Variants in ATAD2 observed in about 807,000 individuals in gnomAD.
ATAD2 encodes ATPase family AAA domain containing 2.
In ATAD2, 62 loss-of-function variants were observed where a neutral mutation model predicts 168.9. The observed-to-expected ratio is 0.37, with a 90% CI of 0.30 to 0.45. The LOEUF (loss-of-function observed/expected upper bound fraction) is 0.45, where lower values mean the gene tolerates loss of function less well. ATAD2 is among the 20% of genes least tolerant of loss of function. The pLI is 1.00. For missense variants in ATAD2, 1,419 were observed against 1,667.8 expected (o/e 0.85, Z 2.60); for synonymous variants, 613 against 571.6 (o/e 1.07, Z -1.03).
chr8:123,404,546 C>T (rs958526497), intron 1 of ATAD2, among the ~76,000 whole-genome samples: 38 of 151,488 alleles, frequency 2.5e-4, no homozygotes, highest in African/African-American at 9.0e-4. Context: ...GTACTCAAGT[C>T]TCTCCCCACT....
At chr8:123,360,748 C>G (rs1021037581) in intron 9 of ATAD2, among the ~76,000 whole-genome samples, 1 of 151,920 alleles carries the variant, frequency 6.6e-6, no homozygotes, top group Non-Finnish European at 1.5e-5. Flanking sequence ...AGCACCTAAG[C>G]ACTGCATTTT....
At chr8:123,330,788 G>C (rs1210236224) in intron 24 of ATAD2, among the ~76,000 whole-genome samples, 1 of 152,276 alleles carries the variant, frequency 6.6e-6, no homozygotes, top group East Asian at 1.9e-4. Context: ...AGAGTCTACA[G>C]GTATGCCTTT....
At chr8:123,381,498 CACAAAACAAA>C (rs374417395) in intron 1 of ATAD2, among the ~76,000 whole-genome samples, 49 of 151,286 alleles carry the variant, frequency 3.2e-4, no homozygotes, top group East Asian at 1.4e-3. Flanking sequence ...GAGACCCTGC[CACAAAACAAA>C]ACAAAACAAA....
chr8:123,396,062 C>G (rs1413254561), intron 1 of ATAD2, 125 bp downstream of exon 1: 1 of 1,131,144 alleles, frequency 8.8e-7, no homozygotes, highest in Admixed American at 3.1e-5. Context: ...CGTCCTCGAC[C>G]ACACTTCTCC....
chr8:123,377,655 G>A (rs1191441584), intron 2 of ATAD2, among the ~76,000 whole-genome samples: 1 of 152,072 alleles, frequency 6.6e-6, no homozygotes, highest in South Asian at 2.1e-4. Flanking sequence ...AGTTTCTCTC[G>A]AGTTTGGCAT....
intron 1 of ATAD2, among the ~76,000 whole-genome samples, chr8:123,387,000 CA>C (rs1829664366): frequency 6.6e-6 from 1 of 151,070 alleles, no homozygotes; most frequent in African/African-American, 2.4e-5. Flanking sequence ...ACAGTTCTAA[CA>C]AAAGCAATAT....
At position 123,345,035 on chromosome 8, in the gene ATAD2, A is replaced by G; in HGVS notation, c.2567T>C (p.Ile856Thr). The G allele has an allele frequency of 1.9e-6, 3 of 1,613,524 alleles. No homozygotes were observed. The highest frequency in any genetic ancestry group is 2.5e-6 in the Non-Finnish European group (3 of 1,179,474). ...CACGTGGATATGAGGAACATACACT[A>G]TACTTGGTGCTGTTCTCTTAGCTTC... ...IREAKRTAPS[I>T]VYVPHIHVWW... Residue 856 changes from isoleucine (I) to threonine (T), a missense_variant, in exon 19 of 28, where the codon ATA becomes ACA. Around this residue, in one of 5 missense-constraint regions of ATAD2, gnomAD observed 545 missense variants for 724.9 expected, o/e 0.75. Transcript: ENST00000287394.
chr8:123,371,053 G>A (rs1829136255), intron 5 of ATAD2, 63 bp from the exon 6 acceptor site: 3 of 1,308,334 alleles, frequency 2.3e-6, no homozygotes, highest in Admixed American at 2.6e-5. Context: ...AATTAAGTTG[G>A]ATCCTCCAAT....
In ATAD2 at chr8:123,404,565, C is replaced by CT. The variant is rs573902645; in HGVS notation, c.-2281-3391dup. Among the ~76,000 whole-genome samples the CT allele has an allele frequency of 7.3e-3, 1,039 of 142,818 alleles. 5 individuals carry two copies. Among genetic ancestry groups the CT allele is most frequent in the African/African-American group, 9.6e-3 (373 of 38,696 alleles). 93.7% of individuals were successfully genotyped at this position (142,818 alleles called of 152,430 possible). A position where few individuals can be genotyped will look rare whatever the true frequency, so the allele number is the denominator to read the frequency against. On this transcript the variant is annotated intron_variant, in intron 1 of 28. Coordinates refer to the ATAD2 transcript ENST00000521903. ...TCAAGTCTCTCCCCACTTTCTCTCTCTTTTTTTTTTTTTTCTTTTGAGATG... is the reference window on the plus strand; with the variant it reads ...TCAAGTCTCTCCCCACTTTCTCTCTCTTTTTTTTTTTTTTTCTTTTGAGATG...
intron 1 of ATAD2, among the ~76,000 whole-genome samples, chr8:123,384,438 A>AT (rs1829588313): frequency 6.6e-6 from 1 of 152,118 alleles, no homozygotes; most frequent in Non-Finnish European, 1.5e-5. Flanking sequence ...CACAGGGTAG[A>AT]TTTTTCATGG....
chr8:123,396,723 T>G (rs1333806797), upstream of ATAD2, among the ~76,000 whole-genome samples: 2 of 151,904 alleles, frequency 1.3e-5, no homozygotes, highest in African/African-American at 4.8e-5. Context: ...GCGTAGCCCG[T>G]TTGGAATTTT....
At position 123,358,983 on chromosome 8, in the gene ATAD2, C is replaced by A. The variant is rs577066632; in HGVS notation, c.1382+238G>T. 3.2e-4 allele frequency among the ~76,000 whole-genome samples: 49 copies of A among 152,140 alleles called. 1 individual carries two copies. Among genetic ancestry groups the A allele is most frequent in the Non-Finnish European group, 6.3e-4 (43 of 68,008 alleles). On this transcript the variant is annotated intron_variant, in intron 11 of 27. Coordinates refer to ENST00000287394, the MANE Select transcript of ATAD2 (RefSeq NM_014109.4). ...CCCCCCAAAGTGCTGGGATTACAGG[C>A]ATGAGCCACTGTGCCTGGCCCAGTA...
rs577381945 is a variant in ATAD2, at chr8:123,389,984, A to AT, written c.171+6202dup. On this transcript the variant is annotated intron_variant, in intron 1 of 27. Coordinates refer to ENST00000287394, the MANE Select transcript of ATAD2 (RefSeq NM_014109.4). ...TTTATATATATATATATATATATAT[A>AT]TTTTTTTTTTTTTAGACAGAGTCTT... Among the ~76,000 whole-genome samples the AT allele has an allele frequency of 2.6e-3, 302 of 115,134 alleles. 1 individual carries two copies. The highest frequency in any genetic ancestry group is 0.013 in the African/African-American group (290 of 22,972). The allele number at this position is 115,134 out of a possible 152,430, so 75.5% of individuals were successfully genotyped here.
intron 1 of ATAD2, chr8:123,401,530 G>A: frequency 7.7e-6 from 12 of 1,559,888 alleles, no homozygotes; most frequent in Non-Finnish European, 1.0e-5. Flanking sequence ...GGTGTGGACG[G>A]GCTGTGTGTG....
At chr8:123,340,418 G>A (rs1313679638) in intron 19 of ATAD2, among the ~76,000 whole-genome samples, 1 of 152,172 alleles carries the variant, frequency 6.6e-6, no homozygotes, top group Admixed American at 6.5e-5. Flanking sequence ...GTTTCTCAAA[G>A]TTTAAACACA....
At chr8:123,405,524 G>A (rs1328013020) in intron 1 of ATAD2, among the ~76,000 whole-genome samples, 1 of 151,914 alleles carries the variant, frequency 6.6e-6, no homozygotes, top group Admixed American at 6.6e-5. Flanking sequence ...TCGGCCTTCC[G>A]AAGTGCTGGG....
At position 123,349,175 on chromosome 8, in the gene ATAD2, C is replaced by T. The variant is rs1828365346; in HGVS notation, c.1806+110G>A. On this transcript the variant is annotated intron_variant, in intron 14 of 27. Coordinates refer to ENST00000287394, the MANE Select transcript of ATAD2 (RefSeq NM_014109.4). ...ATTTGAGTTGTTTACTATCATTTGACAAGACCATGATACAAAACTCAAGAA... is the reference window on the plus strand; with the variant it reads ...ATTTGAGTTGTTTACTATCATTTGATAAGACCATGATACAAAACTCAAGAA... The T allele has an allele frequency of 2.7e-6, 3 of 1,112,218 alleles. No individual in the cohort carries two copies. In the Admixed American group the frequency reaches 8.2e-5, roughly 31 times the overall value. 68.9% of individuals were successfully genotyped at this position (1,112,218 alleles called of 1,614,324 possible).
rs370986894 is a variant in ATAD2, at chr8:123,396,267, G to C, written c.91C>G (p.Leu31Val). 1.9e-6 allele frequency: 3 copies of C among 1,611,110 alleles called. No individual in the cohort carries two copies. Among genetic ancestry groups the C allele is most frequent in the Non-Finnish European group, 1.7e-6 (2 of 1,179,628 alleles). ...SLDLSSDFLS[L>V]EHIGRRRLRS... is the part of the protein sequence containing the mutation. ...AGCCGCCTCCGGCCGATGTGCTCCA[G>C]ACTGAGGAAGTCACTGGACAGGTCC... The change falls in exon 1 of 28, where the codon CTG (leucine) becomes GTG (valine). Residue 31 changes from leucine (L) to valine (V), a missense_variant. By Grantham distance (32) the Leu-to-Val change is conservative (BLOSUM62 1). This residue lies in a region of ATAD2 where 419 missense variants were observed against 423.5 expected (regional missense o/e 0.99). Transcript: ENST00000287394.
At chr8:123,379,262 G>C (rs914855410) in intron 2 of ATAD2, among the ~76,000 whole-genome samples, 1 of 152,068 alleles carries the variant, frequency 6.6e-6, no homozygotes, top group South Asian at 2.1e-4. Flanking sequence ...CCAAAAAACC[G>C]TATGTACAGA....
Sources: allele counts gnomAD v4.1 joint callset (sites outside exome capture counted in the v4.1 genomes callset), GRCh38; gene constraint gnomAD v4.1.1; regional missense constraint gnomAD v4.1.1; transcripts MANE v1.5; gene names NCBI Gene and HGNC (gene_info 2026-07-23, HGNC 2026-07-21).